The following DACH2 variants were observed in gnomAD, a reference collection of about 807,000 sequenced individuals.
DACH2 encodes dachshund homolog 2.
Under a neutral mutation model 35.8 loss-of-function variants are expected in DACH2, and 17 were observed. The ratio of observed to expected loss-of-function variants is 0.48; its 90% confidence interval spans 0.33 to 0.71. DACH2 has a LOEUF of 0.71. Among genes scored for constraint, DACH2 ranks in the 30% least tolerant of loss-of-function variants. The probability of loss-of-function intolerance (pLI) is 0.02; values close to 1 mark genes in which losing one functional copy is unlikely to be tolerated. For missense variants in DACH2, 469 were observed against 472.7 expected (o/e 0.99, Z 0.07); for synonymous variants, 195 against 177.3 (o/e 1.10, Z -0.79).
At chrX:86,598,802 T>TTTTTTTTTGTG (rs2039746250) in intron 3 of DACH2, among the ~76,000 whole-genome samples, 1 of 110,348 alleles carries the variant, frequency 9.1e-6, no homozygotes, top group Non-Finnish European at 1.9e-5. Context: ...TCTTTTCTTT[T>TTTTTTTTTGTG]TTTTTTTTGT....
intron 4 of DACH2, among the ~76,000 whole-genome samples, chrX:86,671,414 A>G (rs973357055): frequency 1.8e-5 from 2 of 111,875 alleles, no homozygotes; most frequent in Non-Finnish European, 3.8e-5. Flanking sequence ...TTGGATTGTA[A>G]TCCCCAATGT....
At chrX:86,185,327 C>A (rs1469755651) in intron 1 of DACH2, among the ~76,000 whole-genome samples, 1 of 111,796 alleles carries the variant, frequency 8.9e-6, no homozygotes, top group Non-Finnish European at 1.9e-5. Context: ...GAATATAGGG[C>A]AGCAAAGAAA....
At chrX:86,238,054 G>C (rs968363080) in intron 1 of DACH2, among the ~76,000 whole-genome samples, 3 of 112,251 alleles carry the variant, frequency 2.7e-5, no homozygotes, top group South Asian at 3.6e-4. Flanking sequence ...CCATTCAGCA[G>C]GTCCCAAGTT....
At chrX:86,465,398 T>G (rs772517674) in intron 2 of DACH2, among the ~76,000 whole-genome samples, 2 of 112,003 alleles carry the variant, frequency 1.8e-5, no homozygotes, top group Non-Finnish European at 3.8e-5. Flanking sequence ...GACTAGAGCT[T>G]TGAACTTTTG....
intron 7 of DACH2, among the ~76,000 whole-genome samples, chrX:86,745,257 T>C (rs951923460): frequency 1.8e-5 from 2 of 111,477 alleles, no homozygotes. Flanking sequence ...ATAAAAGCAT[T>C]GTCATATTTC....
At chrX:86,173,456 G>A (rs1351427708) in intron 1 of DACH2, among the ~76,000 whole-genome samples, 1 of 111,658 alleles carries the variant, frequency 9.0e-6, no homozygotes. Flanking sequence ...GGCATTGTAG[G>A]CTTCATTAAG....
intron 1 of DACH2, among the ~76,000 whole-genome samples, chrX:86,305,462 A>G (rs746151069): frequency 1.1e-3 from 121 of 112,236 alleles, no homozygotes; most frequent in Non-Finnish European, 1.7e-3. Context: ...AAGGCTCGAA[A>G]CTATAGAACT....
At chrX:86,240,487 G>A (rs1010498543) in intron 1 of DACH2, among the ~76,000 whole-genome samples, 1 of 102,978 alleles carries the variant, frequency 9.7e-6, no homozygotes, top group Non-Finnish European at 2.0e-5. Context: ...ATTACTTTTT[G>A]AGACATAGTC....
chrX:86,720,729 G>T (rs1019972000), intron 6 of DACH2, among the ~76,000 whole-genome samples: 22 of 112,387 alleles, frequency 2.0e-4, no homozygotes, highest in African/African-American at 7.1e-4. Context: ...TCTTCTCAAT[G>T]TTCCTCTAGG....
rs1345395639 is a variant in DACH2, at chrX:86,813,240, C to A, written c.1500C>A (p.Asn500Lys). The A allele has an allele frequency of 8.3e-7, 1 of 1,200,092 alleles. No individual in the cohort carries two copies. The highest frequency in any genetic ancestry group is 3.0e-5 in the East Asian group (1 of 33,589). ...ELYREREIRE[N>K]LERQLAVELQ... The stretch of plus-strand genomic sequence containing the variant: ...ATAGAGAGAGAGAAATTAGAGAAAA[C>A]CTTGAAAGACAACTTGCAGTTGAGC... Residue 500 changes from asparagine (N) to lysine (K), a missense_variant, in exon 9 of 12, where the codon AAC (asparagine) becomes AAA (lysine). Physicochemically the swap from Asn to Lys is moderately conservative, Grantham distance 94. Transcript: ENST00000373125.
chrX:86,758,259 C>G (rs1370019735), intron 7 of DACH2, among the ~76,000 whole-genome samples: 1 of 110,975 alleles, frequency 9.0e-6, no homozygotes, highest in Non-Finnish European at 1.9e-5. Context: ...CTATTTTTTT[C>G]TGGTAATTTG....
At chrX:86,462,670 A>T in intron 2 of DACH2, among the ~76,000 whole-genome samples, 1 of 111,591 alleles carries the variant, frequency 9.0e-6, no homozygotes, top group Middle Eastern at 4.6e-3. Context: ...TGCCCTGCTC[A>T]TTCTTCAGAG....
chrX:86,754,951 G>T (rs527719517), intron 7 of DACH2, among the ~76,000 whole-genome samples: 2 of 111,427 alleles, frequency 1.8e-5, no homozygotes, highest in South Asian at 7.5e-4. Flanking sequence ...CCTAGTAGTG[G>T]CATTCCTGGA....
chrX:86,410,667 T>G (rs2036595877), intron 2 of DACH2, among the ~76,000 whole-genome samples: 1 of 110,960 alleles, frequency 9.0e-6, no homozygotes, highest in Non-Finnish European at 1.9e-5. Flanking sequence ...TTGCTGGATT[T>G]TCTGCCATTA....
At chrX:86,501,593 G>C (rs1373762059) in intron 2 of DACH2, among the ~76,000 whole-genome samples, 2 of 111,891 alleles carry the variant, frequency 1.8e-5, no homozygotes, top group African/African-American at 6.5e-5. Context: ...AATAGAAACT[G>C]TGTTACCTTG....
intron 1 of DACH2, among the ~76,000 whole-genome samples, chrX:86,202,440 C>T (rs1174787887): frequency 9.0e-6 from 1 of 111,212 alleles, no homozygotes; most frequent in Non-Finnish European, 1.9e-5. Flanking sequence ...GATATTTTTT[C>T]AGGCAAAGTT....
chrX:86,567,153 A>G (rs1373269726), intron 3 of DACH2, among the ~76,000 whole-genome samples: 1 of 111,833 alleles, frequency 8.9e-6, no homozygotes, highest in African/African-American at 3.2e-5. Context: ...ATCAAAACAG[A>G]TGTGGTTTAA....
At chrX:86,716,886 T>A (rs896671071) in intron 6 of DACH2, among the ~76,000 whole-genome samples, 4 of 112,050 alleles carry the variant, frequency 3.6e-5, no homozygotes, top group African/African-American at 1.3e-4. Context: ...TGCAACCTTT[T>A]AAAAAAGAAA....
intron 2 of DACH2, among the ~76,000 whole-genome samples, chrX:86,409,132 T>C (rs758875071): frequency 9.0e-6 from 1 of 111,499 alleles, no homozygotes; most frequent in East Asian, 2.8e-4. Context: ...CATCACTCTT[T>C]TTTTCTGGTG....
Sources: allele counts gnomAD v4.1 joint callset (sites outside exome capture counted in the v4.1 genomes callset), GRCh38; gene constraint gnomAD v4.1.1; transcripts MANE v1.5; gene names NCBI Gene and HGNC (gene_info 2026-07-23, HGNC 2026-07-21).